The following DLC1 variants were observed in gnomAD, a reference collection of about 807,000 sequenced individuals.
DLC1 encodes DLC1 Rho GTPase activating protein, also known as rho GTPase-activating protein 7.
A neutral mutation model predicts 140.3 loss-of-function variants in DLC1; 54 were observed. The ratio of observed to expected loss-of-function variants is 0.38; its 90% CI spans 0.31 to 0.48. DLC1 has a LOEUF of 0.48. DLC1 is among the 20% of genes least tolerant of loss of function. The probability of loss-of-function intolerance (pLI) is 0.96; values close to 1 mark genes in which losing one functional copy is unlikely to be tolerated. For missense variants in DLC1, 2,536 were observed against 1,907.0 expected (o/e 1.33, Z -6.14); for synonymous variants, 986 against 728.1 (o/e 1.35, Z -5.70).
At chr8:13,095,845 A>G (rs1468247744) in intron 10 of DLC1, 2 of 152,688 alleles carry the variant, frequency 1.3e-5, no homozygotes. Context: ...GCCTAACACA[A>G]TGGGAGCCAA....
rs188547640 is a variant in DLC1 at position 13,228,312 on chromosome 8, A to G, written c.1348+76957T>C. ...ATTCATAAAAAAAAAAAAAGGAAATACACACTTAGCAGGGAACATCTAAAT... is the reference window on the plus strand; with the variant it reads ...ATTCATAAAAAAAAAAAAAGGAAATGCACACTTAGCAGGGAACATCTAAAT... On this transcript the variant is annotated intron_variant, in intron 5 of 17. Transcript: ENST00000276297. Among the ~76,000 whole-genome samples, 32 of 152,186 alleles carry G rather than the reference A, an allele frequency of 2.1e-4. No individual in the cohort carries two copies. In the East Asian group the frequency reaches 5.4e-3, roughly 26 times the overall value.
chr8:13,325,496 T>A (rs1632241), intron 4 of DLC1, among the ~76,000 whole-genome samples: 1 of 151,964 alleles, frequency 6.6e-6, no homozygotes, highest in African/African-American at 2.4e-5. Context: ...TCTCACAGAG[T>A]CATGTATGCT....
At chr8:13,143,179 G>C (rs541614964) in intron 5 of DLC1, among the ~76,000 whole-genome samples, 1 of 152,116 alleles carries the variant, frequency 6.6e-6, no homozygotes, top group Admixed American at 6.5e-5. Flanking sequence ...CATTTTCAAA[G>C]CTACTGATAT....
At chr8:13,374,932 C>G (rs990117077) in intron 4 of DLC1, among the ~76,000 whole-genome samples, 3 of 152,096 alleles carry the variant, frequency 2.0e-5, no homozygotes, top group Non-Finnish European at 4.4e-5. Flanking sequence ...GTAGGATTCC[C>G]AGGTATTTTA....
chr8:13,397,604 A>G (rs1176021609), intron 3 of DLC1, among the ~76,000 whole-genome samples: 1 of 151,970 alleles, frequency 6.6e-6, no homozygotes, highest in Non-Finnish European at 1.5e-5. Context: ...CGAGGTGGGA[A>G]GACTGCTTGA....
intron 1 of DLC1, among the ~76,000 whole-genome samples, chr8:13,552,139 A>ATATATATATATATATC (rs1260514268): frequency 7.5e-6 from 1 of 132,640 alleles, no homozygotes; most frequent in African/African-American, 2.7e-5. Context: ...ATATATATAT[A>ATATATATATATATATC]TATCTGTCTA....
intron 5 of DLC1, among the ~76,000 whole-genome samples, chr8:13,136,676 A>G (rs1822583075): frequency 6.6e-6 from 1 of 152,214 alleles, no homozygotes; most frequent in Non-Finnish European, 1.5e-5. Context: ...CTGGCACTAC[A>G]GGTGCGTGCC....
chr8:13,376,150 T>G (rs1029026891), intron 4 of DLC1, among the ~76,000 whole-genome samples: 1 of 152,198 alleles, frequency 6.6e-6, no homozygotes, highest in African/African-American at 2.4e-5. Context: ...ACTGATCACA[T>G]GATTTCTTAT....
chr8:13,453,511 TATAC>T (rs1218764933), intron 2 of DLC1, among the ~76,000 whole-genome samples: 1 of 31,484 alleles, frequency 3.2e-5, no homozygotes, highest in Non-Finnish European at 5.5e-5. Flanking sequence ...TGTATATATA[TATAC>T]ATATATATAT....
chr8:13,192,486 A>G (rs541371085), intron 5 of DLC1, among the ~76,000 whole-genome samples: 1 of 152,166 alleles, frequency 6.6e-6, no homozygotes, highest in African/African-American at 2.4e-5. Context: ...ACATGCGTAC[A>G]TAGAAATGTT....
intron 5 of DLC1, among the ~76,000 whole-genome samples, chr8:13,275,097 C>G (rs1036169890): frequency 1.3e-5 from 2 of 152,160 alleles, no homozygotes; most frequent in African/African-American, 2.4e-5. Flanking sequence ...CCTAATGGTT[C>G]GACTTGACAT....
At chr8:13,406,181 G>GTTTTTTTTTTTGTTTTTTTTT (rs1554514491) in intron 2 of DLC1, among the ~76,000 whole-genome samples, 30 of 84,956 alleles carry the variant, frequency 3.5e-4, no homozygotes, top group African/African-American at 1.3e-3. Context: ...TAATTTTTGT[G>GTTTTTTTTTTTGTTTTTTTTT]TTTTTTTTTT....
At chr8:13,224,348 G>A (rs990340168) in intron 5 of DLC1, among the ~76,000 whole-genome samples, 1 of 152,206 alleles carries the variant, frequency 6.6e-6, no homozygotes, top group African/African-American at 2.4e-5. Context: ...TTTCAGTCCG[G>A]TTGGTCAGAA....
chr8:13,208,985 T>C (rs557013512), intron 5 of DLC1, among the ~76,000 whole-genome samples: 7 of 152,316 alleles, frequency 4.6e-5, no homozygotes, highest in South Asian at 4.1e-4. Context: ...GTTGATGTTA[T>C]AGAATGTGAC....
intron 5 of DLC1, among the ~76,000 whole-genome samples, chr8:13,279,709 C>T (rs757740312): frequency 6.6e-6 from 1 of 152,162 alleles, no homozygotes; most frequent in Non-Finnish European, 1.5e-5. Context: ...AGTGTAAAGA[C>T]CATTCTAATA....
chr8:13,276,491 C>T, intron 5 of DLC1: 1 of 1,327,104 alleles, frequency 7.5e-7, no homozygotes, highest in Non-Finnish European at 9.6e-7. Flanking sequence ...AGGCTGTCGC[C>T]TGCCTTCAGG....
intron 5 of DLC1, among the ~76,000 whole-genome samples, chr8:13,235,099 A>G (rs540755929): frequency 3.7e-4 from 57 of 152,190 alleles, no homozygotes; most frequent in African/African-American, 1.3e-3. Flanking sequence ...ATAGAGTCTT[A>G]TCCAATTATT....
chr8:13,427,683 T>C (rs1220282644), intron 2 of DLC1, among the ~76,000 whole-genome samples: 1 of 152,210 alleles, frequency 6.6e-6, no homozygotes, highest in Non-Finnish European at 1.5e-5. Context: ...TCTTTTGTAC[T>C]GTACCTTGGG....
chr8:13,454,627 C>T (rs113937422), intron 2 of DLC1, among the ~76,000 whole-genome samples: 69 of 152,246 alleles, frequency 4.5e-4, no homozygotes, highest in Middle Eastern at 6.8e-3. Flanking sequence ...GTGATCATAG[C>T]TTACTGCAAC....
Sources: allele counts gnomAD v4.1 joint callset (sites outside exome capture counted in the v4.1 genomes callset), GRCh38; gene constraint gnomAD v4.1.1; transcripts MANE v1.5; gene names NCBI Gene and HGNC (gene_info 2026-07-23, HGNC 2026-07-21).